MEGF9: variants seen among roughly 807,000 people sequenced by gnomAD.
MEGF9 encodes the protein multiple epidermal growth factor-like domains protein 9.
Under a neutral mutation model 46.8 loss-of-function variants are expected in MEGF9, and 6 were observed. That is an observed-to-expected ratio of 0.13 (90% CI 0.07 to 0.25). MEGF9 has a LOEUF of 0.25. Ranked by LOEUF, MEGF9 falls within the 10% of genes least tolerant of loss-of-function variation. The pLI, the probability that MEGF9 is intolerant of heterozygous loss-of-function variation, is 1.00. For synonymous variants in MEGF9, 302 were observed against 330.7 expected (o/e 0.91, Z 0.94); for missense variants, 683 against 792.4 (o/e 0.86, Z 1.66).
rs972379291 is a variant in MEGF9, at chr9:120,631,486, C to T, written c.804-8731G>A. Among the ~76,000 whole-genome samples, 13 of 92,886 alleles carry T rather than the reference C, an allele frequency of 1.4e-4. No individual in the cohort carries two copies. In the East Asian group the frequency reaches 3.3e-3, roughly 23 times the overall value. 60.9% of individuals were successfully genotyped at this position (92,886 alleles called of 152,430 possible). The stretch of plus-strand genomic sequence containing the variant: ...CTGTGGTTCCATATGAATTTGATTG[C>T]ATTTTTTTTTTTTTCTGAGATGGAG... On this transcript the variant is annotated intron_variant, in intron 2 of 5. Coordinates refer to ENST00000373930, the MANE Select transcript of MEGF9 (RefSeq NM_001080497.3).
At chr9:120,685,172 A>G (rs1374450234) in intron 1 of MEGF9, among the ~76,000 whole-genome samples, 1 of 152,206 alleles carries the variant, frequency 6.6e-6, no homozygotes, top group Non-Finnish European at 1.5e-5. Context: ...TGGAAGCATC[A>G]AGATGTTGAA....
chr9:120,655,470 A>G (rs1399050635), intron 2 of MEGF9, among the ~76,000 whole-genome samples: 4 of 152,182 alleles, frequency 2.6e-5, no homozygotes, highest in African/African-American at 9.7e-5. Flanking sequence ...GCTGTGTGAC[A>G]ATGAAATTGC....
intron 3 of MEGF9, among the ~76,000 whole-genome samples, chr9:120,615,055 C>T (rs568022317): frequency 2.4e-4 from 37 of 151,748 alleles, no homozygotes; most frequent in Middle Eastern, 3.4e-3. Context: ...GCCTGACCAA[C>T]ATGGTGAAAC....
At position 120,627,041 on chromosome 9, in the gene MEGF9, A is replaced by T. The variant is rs998144076; in HGVS notation, c.804-4286T>A. 1.1e-4 allele frequency among the ~76,000 whole-genome samples: 16 copies of T among 152,242 alleles called. 1 individual carries two copies. The highest frequency in any genetic ancestry group is 4.6e-4 in the Admixed American group (7 of 15,280). On this transcript the variant is annotated intron_variant, in intron 2 of 5. Transcript: ENST00000373930. ...ACTAAGTTACTTACTTTTAAAATTT[A>T]AAATTTGTAAGTAATTTAAAATTTT...
intron 3 of MEGF9, among the ~76,000 whole-genome samples, 199 bp downstream of exon 3, chr9:120,622,417 C>CTTTTTTTTTTTTTTTTTT (rs59380409): frequency 2.0e-5 from 2 of 101,192 alleles, no homozygotes; most frequent in East Asian, 2.8e-4. Flanking sequence ...AGGTATATGA[C>CTTTTTTTTTTTTTTTTTT]TTTTTTTTTT....
intron 1 of MEGF9, among the ~76,000 whole-genome samples, chr9:120,679,085 GAACTAGA>G (rs1420662979): frequency 2.6e-5 from 4 of 152,158 alleles, no homozygotes; most frequent in Non-Finnish European, 5.9e-5. Context: ...CAAGGATCTA[GAACTAGA>G]AATATCATTT....
chr9:120,686,696 A>G (rs1467103298), intron 1 of MEGF9, among the ~76,000 whole-genome samples: 2 of 152,208 alleles, frequency 1.3e-5, no homozygotes, highest in East Asian at 1.9e-4. Context: ...TAGTACACCA[A>G]TCTTTAAAGT....
chr9:120,652,536 C>G (rs1413667481), intron 2 of MEGF9, among the ~76,000 whole-genome samples: 1 of 143,676 alleles, frequency 7.0e-6, no homozygotes, highest in East Asian at 2.1e-4. Context: ...AAAAGAGATT[C>G]AACTAGTAGA....
chr9:120,607,455 T>C (rs373870813), intron 5 of MEGF9, among the ~76,000 whole-genome samples: 1 of 152,256 alleles, frequency 6.6e-6, no homozygotes, highest in East Asian at 1.9e-4. Flanking sequence ...AAAGAAATGA[T>C]AGGATTCTTA....
intron 2 of MEGF9, among the ~76,000 whole-genome samples, chr9:120,634,008 T>C (rs1346839069): frequency 1.3e-5 from 2 of 152,236 alleles, no homozygotes; most frequent in African/African-American, 4.8e-5. Flanking sequence ...TAACATGTGG[T>C]CTATCCTGGA....
At chr9:120,683,217 C>T (rs1587994524) in intron 1 of MEGF9, among the ~76,000 whole-genome samples, 2 of 152,080 alleles carry the variant, frequency 1.3e-5, no homozygotes, top group South Asian at 2.1e-4. Flanking sequence ...CATCCTAGGC[C>T]GACTGAATAG....
In MEGF9 at chr9:120,679,937, C is replaced by CAA. The variant is rs34290703; in HGVS notation, c.602-20364_602-20363dup. Among the ~76,000 whole-genome samples, 246 of 118,440 alleles carry CAA rather than the reference C, an allele frequency of 2.1e-3. 2 individuals are homozygous for CAA. Among genetic ancestry groups the CAA allele is most frequent in the East Asian group, 9.3e-3 (37 of 3,974 alleles). The allele number at this position is 118,440 out of a possible 152,430, so 77.7% of individuals were successfully genotyped here. On this transcript the variant is annotated intron_variant, in intron 1 of 5. Transcript: ENST00000373930. ...TGGGTGACAGAGTGAGACTCCGTCT[C>CAA]AAAAAAAAAAAAAAAAAGAGAGAGA...
chr9:120,656,046 G>A (rs376919138), intron 2 of MEGF9, among the ~76,000 whole-genome samples: 6 of 152,152 alleles, frequency 3.9e-5, no homozygotes, highest in African/African-American at 1.4e-4. Context: ...GGACATTTGG[G>A]TGTTAAATAC....
rs774339957 is a variant in MEGF9 at position 120,600,938 on chromosome 9, T to G, written c.*4252A>C. The G allele has an allele frequency of 6.5e-5, 10 of 152,752 alleles. No homozygotes were observed. Among genetic ancestry groups the G allele is most frequent in the Admixed American group, 3.9e-4 (6 of 15,300 alleles). The allele number at this position is 152,752 out of a possible 1,614,324, so 9.5% of individuals were successfully genotyped here. On this transcript the variant is annotated 3_prime_UTR_variant, in exon 6 of 6. Transcript: ENST00000373930. ...AAATCTACAATAGGTACAAATTATA[T>G]ACATTTATTTTTAATAATTTTAAAT...
chr9:120,696,654 G>C (rs2043878618), intron 1 of MEGF9, among the ~76,000 whole-genome samples: 1 of 152,138 alleles, frequency 6.6e-6, no homozygotes, highest in African/African-American at 2.4e-5. Context: ...TAAAGCACAA[G>C]GGGAAAAGTA....
At chr9:120,632,756 G>C (rs1241968874) in intron 2 of MEGF9, among the ~76,000 whole-genome samples, 1 of 152,092 alleles carries the variant, frequency 6.6e-6, no homozygotes, top group African/African-American at 2.4e-5. Context: ...TTATTATTCT[G>C]AGGTACGTTT....
At chr9:120,639,365 C>T (rs1008211332) in intron 2 of MEGF9, among the ~76,000 whole-genome samples, 20 of 151,668 alleles carry the variant, frequency 1.3e-4, no homozygotes, top group African/African-American at 7.3e-5. Context: ...CAAAATGAGC[C>T]GGGCATGGCG....
intron 2 of MEGF9, among the ~76,000 whole-genome samples, chr9:120,633,382 T>C (rs2043558883): frequency 6.6e-6 from 1 of 152,204 alleles, no homozygotes; most frequent in Non-Finnish European, 1.5e-5. Context: ...TTTCTTGGCA[T>C]ACAGTTGTTT....
At chr9:120,681,988 C>T (rs1386025266) in intron 1 of MEGF9, among the ~76,000 whole-genome samples, 3 of 152,046 alleles carry the variant, frequency 2.0e-5, no homozygotes, top group African/African-American at 7.2e-5. Context: ...GAGTAATGAA[C>T]CTTACAAGGA....
Sources: allele counts gnomAD v4.1 joint callset (sites outside exome capture counted in the v4.1 genomes callset), GRCh38; gene constraint gnomAD v4.1.1; transcripts MANE v1.5; gene names NCBI Gene and HGNC (gene_info 2026-07-23, HGNC 2026-07-21).